EYA1: variants seen among roughly 807,000 people sequenced by gnomAD.
The protein encoded by EYA1 is protein phosphatase EYA1.
In EYA1, 16 loss-of-function variants were observed where a neutral mutation model predicts 82.0. The observed-to-expected ratio is 0.20, with a 90% CI of 0.13 to 0.30. The LOEUF (loss-of-function observed/expected upper bound fraction) is 0.30, where lower values mean the gene tolerates loss of function less well. Among genes scored for constraint, EYA1 ranks in the 10% least tolerant of loss-of-function variants. The pLI is 1.00. For synonymous variants in EYA1, 261 were observed against 264.4 expected (o/e 0.99, Z 0.12); for missense variants, 633 against 730.7 (o/e 0.87, Z 1.54).
chr8:71,480,283 G>A (rs1284606071), intron 2 of EYA1, among the ~76,000 whole-genome samples: 2 of 152,156 alleles, frequency 1.3e-5, no homozygotes, highest in South Asian at 2.1e-4. Flanking sequence ...TGTTCATTTC[G>A]AAATGTGTGA....
chr8:71,217,033 A>G lies in EYA1; in HGVS notation c.1141-10T>C. On this transcript the variant is annotated splice_polypyrimidine_tract_variant and intron_variant, in intron 12 of 17. Transcript: ENST00000340726. Reference sequence around the variant, plus strand: ...GGACTTGGTCACATTCCTAAAATGCAATTAAAATGATACATGTCAATTTTT... The same window carrying G: ...GGACTTGGTCACATTCCTAAAATGCGATTAAAATGATACATGTCAATTTTT... 1.2e-6 allele frequency: 2 copies of G among 1,604,362 alleles called. No individual in the cohort carries two copies. The highest frequency in any genetic ancestry group is 1.7e-6 in the Non-Finnish European group (2 of 1,171,222).
At chr8:71,537,593 C>G (rs1563716362) in intron 1 of EYA1, among the ~76,000 whole-genome samples, 1 of 152,166 alleles carries the variant, frequency 6.6e-6, no homozygotes, top group East Asian at 1.9e-4. Flanking sequence ...AAATTGCCCA[C>G]AGTGTACCTA....
intron 2 of EYA1, among the ~76,000 whole-genome samples, chr8:71,530,136 A>G (rs535189031): frequency 1.0e-3 from 155 of 152,342 alleles, no homozygotes; most frequent in African/African-American, 3.5e-3. Context: ...TCATTAAGAT[A>G]GGCCCTAATC....
chr8:71,511,269 C>G (rs745767379), intron 2 of EYA1, among the ~76,000 whole-genome samples: 1 of 152,152 alleles, frequency 6.6e-6, no homozygotes, highest in Non-Finnish European at 1.5e-5. Context: ...GTACCTGTTA[C>G]ATTTCAGCAT....
At chr8:71,286,494 C>T (rs968701402) in intron 9 of EYA1, among the ~76,000 whole-genome samples, 1 of 152,180 alleles carries the variant, frequency 6.6e-6, no homozygotes, top group Non-Finnish European at 1.5e-5. Flanking sequence ...TAACAAGTTT[C>T]TCCTTTGAGT....
rs149467050 is a variant in EYA1 at position 71,524,452 on chromosome 8, CT to C, written c.33+11291del. ...CCCAAACCCAGTATTCATTTTTAGG[CT>C]TGTAAAATATGACTAGTATTAAAGT... On this transcript the variant is annotated intron_variant, in intron 2 of 18. Coordinates refer to the EYA1 transcript ENST00000643681. Among the ~76,000 whole-genome samples the C allele has an allele frequency of 1.2e-3, 189 of 152,166 alleles. 2 individuals carry two copies. In the East Asian group the frequency reaches 0.03, roughly 24 times the overall value.
chr8:71,493,894 G>A (rs1348425736), intron 2 of EYA1, among the ~76,000 whole-genome samples: 2 of 146,510 alleles, frequency 1.4e-5, no homozygotes, highest in Non-Finnish European at 3.0e-5. Flanking sequence ...GTAGTGGCGG[G>A]CGCCTGTAGT....
At chr8:71,395,704 T>C (rs994635388) in intron 2 of EYA1, among the ~76,000 whole-genome samples, 8 of 152,230 alleles carry the variant, frequency 5.3e-5, no homozygotes, top group Non-Finnish European at 1.2e-4. Flanking sequence ...CAGTATTTTA[T>C]TGAGGATTTT....
At chr8:71,499,930 T>C (rs62508471) in intron 2 of EYA1, among the ~76,000 whole-genome samples, 4 of 152,086 alleles carry the variant, frequency 2.6e-5, no homozygotes, top group Non-Finnish European at 5.9e-5. Context: ...GTCAGGGAAA[T>C]TTAAGGAACA....
intron 2 of EYA1, among the ~76,000 whole-genome samples, chr8:71,420,877 G>T (rs1462901536): frequency 6.6e-6 from 1 of 152,122 alleles, no homozygotes; most frequent in Non-Finnish European, 1.5e-5. Context: ...CACAAAATTT[G>T]ACCCAGGTTG....
At chr8:71,310,806 A>T (rs1343960732) in intron 7 of EYA1, among the ~76,000 whole-genome samples, 1 of 145,180 alleles carries the variant, frequency 6.9e-6, no homozygotes, top group Non-Finnish European at 1.5e-5. Context: ...AATTTCTAAC[A>T]TTCATTGTGA....
At chr8:71,330,427 G>A (rs955664421) in intron 4 of EYA1, among the ~76,000 whole-genome samples, 3 of 152,094 alleles carry the variant, frequency 2.0e-5, no homozygotes, top group African/African-American at 7.2e-5. Flanking sequence ...CCTCTGTTGA[G>A]TTTGTGTCAG....
At position 71,217,030 on chromosome 8, in the gene EYA1, T is replaced by C. The variant is rs754622295; in HGVS notation, c.1141-7A>G. On this transcript the variant is annotated splice_region_variant and splice_polypyrimidine_tract_variant and intron_variant, in intron 12 of 17. Coordinates refer to ENST00000340726, the MANE Select transcript of EYA1 (RefSeq NM_000503.6). ...TATGGACTTGGTCACATTCCTAAAATGCAATTAAAATGATACATGTCAATT... is the reference window on the plus strand; with the variant it reads ...TATGGACTTGGTCACATTCCTAAAACGCAATTAAAATGATACATGTCAATT... 5 of 1,609,636 alleles carry C rather than the reference T, an allele frequency of 3.1e-6. No homozygotes were observed. In the East Asian group the frequency reaches 8.9e-5, roughly 29 times the overall value.
At chr8:71,279,115 C>CTT in intron 9 of EYA1, among the ~76,000 whole-genome samples, 1 of 152,180 alleles carries the variant, frequency 6.6e-6, no homozygotes, top group East Asian at 1.9e-4. Context: ...AAGTGCAGAG[C>CTT]TTTTCATGAA....
rs77653797 is a variant in EYA1, at chr8:71,496,432, C to T, written c.33+39312G>A. On this transcript the variant is annotated intron_variant, in intron 2 of 18. Coordinates refer to the EYA1 transcript ENST00000643681. Reference sequence around the variant, plus strand: ...ACAGATTGTAAAACAGGAAGGGTTTCTGAATTGTTTAATTAACTATGAGCT... The same window carrying T: ...ACAGATTGTAAAACAGGAAGGGTTTTTGAATTGTTTAATTAACTATGAGCT... 8.0e-3 allele frequency among the ~76,000 whole-genome samples: 1,221 copies of T among 152,238 alleles called. 10 individuals are homozygous for T. Among genetic ancestry groups the T allele is most frequent in the African/African-American group, 0.028 (1,161 of 41,534 alleles).
At chr8:71,529,919 A>C (rs1207188106) in intron 2 of EYA1, 1 of 152,200 alleles carries the variant, frequency 6.6e-6, no homozygotes, top group African/African-American at 2.4e-5. Context: ...AACCACATAA[A>C]CTAGAGTTAT....
intron 6 of EYA1, 33 bp from the exon 7 acceptor site, chr8:71,317,722 C>A: frequency 6.2e-7 from 1 of 1,611,046 alleles, no homozygotes; most frequent in East Asian, 2.2e-5. Flanking sequence ...ATCTATCTGT[C>A]CATTTTCAAA....
intron 9 of EYA1, among the ~76,000 whole-genome samples, chr8:71,276,144 C>G (rs1817140691): frequency 1.3e-5 from 2 of 152,220 alleles, no homozygotes; most frequent in Admixed American, 6.5e-5. Context: ...GAAGAAAACA[C>G]TATGTAACGT....
chr8:71,463,312 ATG>A (rs1808505903), intron 2 of EYA1, among the ~76,000 whole-genome samples: 1 of 152,202 alleles, frequency 6.6e-6, no homozygotes. Context: ...ACAGAGAGAA[ATG>A]TGTTCCCCTC....
Sources: gnomAD v4.1 joint callset for allele counts (sites outside exome capture counted in the v4.1 genomes callset) on GRCh38, gnomAD v4.1.1 for gene constraint, MANE v1.5 for transcripts, NCBI Gene and HGNC (gene_info 2026-07-23, HGNC 2026-07-21) for gene names.